Variants in YJU2B observed in about 807,000 individuals in gnomAD.
The protein encoded by YJU2B is YJU2 splicing factor homolog B.
Under a neutral mutation model 38.0 loss-of-function variants are expected in YJU2B, and 18 were observed. The ratio of observed to expected loss-of-function variants is 0.47; its 90% CI spans 0.33 to 0.70. The LOEUF is 0.70. YJU2B is among the 30% of genes least tolerant of loss of function. The probability of loss-of-function intolerance (pLI) is 0.02; values close to 1 mark genes in which losing one functional copy is unlikely to be tolerated. For missense variants in YJU2B, 538 were observed against 556.3 expected, an observed-to-expected ratio of 0.97 and a Z score of 0.33; for synonymous variants, 246 against 225.4, an observed-to-expected ratio of 1.09 and a Z score of -0.82.
chr19:13,756,963 G>C (rs987627954), intron 4 of YJU2B, among the ~76,000 whole-genome samples: 45 of 137,004 alleles, frequency 3.3e-4, no homozygotes, highest in African/African-American at 1.2e-3. Flanking sequence ...GCAACAGAGC[G>C]AGACTCCATC....
chr19:13,762,565 T>G, intron 9 of YJU2B, 25 bp from the exon 10 acceptor site: 1 of 1,531,072 alleles, frequency 6.5e-7, no homozygotes, highest in Non-Finnish European at 8.7e-7. Flanking sequence ...CTGCCGCCCC[T>G]GAAATGTCCT....
intron 2 of YJU2B, among the ~76,000 whole-genome samples, chr19:13,736,621 T>A (rs1210707700): frequency 1.3e-5 from 2 of 152,014 alleles, no homozygotes; most frequent in Non-Finnish European, 2.9e-5. Context: ...CCTCATTCAT[T>A]TATTGATTCA....
Position 13,763,000 on chromosome 19 carries a change from G to T in YJU2B, c.1123G>T (p.Asp375Tyr), listed in dbSNP as rs776699025. The T allele has an allele frequency of 6.2e-7, 1 of 1,605,500 alleles. No individual in the cohort carries two copies. The part of the protein sequence containing the change: ...GSSQEAADTP[D>Y]TRHPCSLGSS... ...CTCCCAGGAGGCAGCTGACACCCCC[G>T]ACACGCGGCACCCCTGCAGTCTCGG... Residue 375 changes from aspartate to tyrosine, a missense_variant, in exon 10 of 10, where the codon GAC becomes TAC. Coordinates refer to ENST00000221554, the MANE Select transcript of YJU2B (RefSeq NM_030818.4).
intron 8 of YJU2B, 145 bp from the exon 9 acceptor site, chr19:13,762,154 C>G: frequency 2.1e-6 from 2 of 935,230 alleles, no homozygotes; most frequent in Non-Finnish European, 3.2e-6. Flanking sequence ...ATGATTGTGC[C>G]ACTGCACTCC....
intron 2 of YJU2B, among the ~76,000 whole-genome samples, chr19:13,734,648 C>T (rs1003114513): frequency 1.3e-5 from 2 of 152,090 alleles, no homozygotes; most frequent in East Asian, 3.9e-4. Context: ...GAGTGCAGTG[C>T]TGCAAACATA....
rs894550960 is a variant in YJU2B at position 13,741,594 on chromosome 19, AT to A, written c.-202+9311del. Among the ~76,000 whole-genome samples the A allele has an allele frequency of 1.6e-4, 22 of 139,930 alleles. No homozygotes were observed. The East Asian group carries it at 2.5e-3, about 16-fold the overall frequency. 91.8% of individuals were successfully genotyped at this position (139,930 alleles called of 152,430 possible). A position where few individuals can be genotyped will look rare whatever the true frequency, so the allele number is the denominator to read the frequency against. ...CTACAAATTAAAAAAAAAAAAAAAA[AT>A]TAGCTAGGCATGGTGCCTGTGGTCC... is the stretch of plus-strand genomic sequence containing the variant. On this transcript the variant is annotated intron_variant, in intron 2 of 10. Transcript: ENST00000586600.
Position 13,756,204 on chromosome 19 carries a change from C to G in YJU2B, c.65C>G (p.Ser22Cys), listed in dbSNP as rs12974461. The change falls in exon 4 of 10, where the codon TCT (serine) becomes TGT (cysteine). Residue 22 changes from serine to cysteine, a missense_variant. By Grantham distance (112) the Ser-to-Cys change is moderately radical. Around this residue, in one of 2 missense-constraint regions of YJU2B, gnomAD observed 50 missense variants for 86.9 expected, o/e 0.58. Coordinates refer to ENST00000221554, the MANE Select transcript of YJU2B (RefSeq NM_030818.4). The stretch of plus-strand genomic sequence containing the variant: ...CTCATCCTCTCCACACAGCATGGCT[C>G]TCTCAACCGATACCACAACAGCCAC... ...PPDFNPEKHG[S>C]LNRYHNSHPL... 0.024 allele frequency: 38,513 copies of G among 1,613,582 alleles called. 483 individuals are homozygous for G. The highest frequency in any genetic ancestry group is 0.028 in the Non-Finnish European group (32,509 of 1,179,560).
At chr19:13,750,927 C>T (rs1032162068) in intron 1 of YJU2B, among the ~76,000 whole-genome samples, 3 of 151,036 alleles carry the variant, frequency 2.0e-5, no homozygotes, top group African/African-American at 7.3e-5. Context: ...AGGTGCAGGC[C>T]AGCTGCACTT....
chr19:13,759,421 T>C, intron 8 of YJU2B, 149 bp downstream of exon 8: 1 of 633,226 alleles, frequency 1.6e-6, no homozygotes, highest in Non-Finnish European at 2.7e-6. Context: ...GACCATGCCC[T>C]GTCTTAATCC....
chr19:13,743,541 C>T (rs950170495), upstream of YJU2B, among the ~76,000 whole-genome samples: 9 of 145,530 alleles, frequency 6.2e-5, no homozygotes, highest in African/African-American at 2.3e-4. Flanking sequence ...GATCATGCCA[C>T]TGTACTCCAG....
In YJU2B at chr19:13,747,900, G is replaced by T. The variant is rs1020230076; in HGVS notation, c.-256G>T. ...CGGAGAGGGCGCCCAGGTTCACCGC[G>T]CTCTCAGCGCGCACTTCCGGGCACG... On this transcript the variant is annotated 5_prime_UTR_variant, in exon 1 of 10. Transcript: ENST00000221554. 38 of 152,366 alleles carry T rather than the reference G, an allele frequency of 2.5e-4. No homozygotes were observed. Among genetic ancestry groups the T allele is most frequent in the African/African-American group, 8.9e-4 (37 of 41,592 alleles). The allele number at this position is 152,366 out of a possible 1,614,324, so 9.4% of individuals were successfully genotyped here.
At chr19:13,752,445 T>C (rs1480055585) in intron 2 of YJU2B, among the ~76,000 whole-genome samples, 1 of 151,734 alleles carries the variant, frequency 6.6e-6, no homozygotes, top group East Asian at 2.0e-4. Flanking sequence ...CTGTCTCTAC[T>C]AAAAATACAA....
At chr19:13,756,334 C>G in intron 4 of YJU2B, 55 bp downstream of exon 4, 2 of 1,446,558 alleles carry the variant, frequency 1.4e-6, no homozygotes, top group Non-Finnish European at 1.9e-6. Flanking sequence ...CCTTCAGTCT[C>G]AAGGAGAGTT....
chr19:13,755,700 A>C (rs534108738), intron 3 of YJU2B, among the ~76,000 whole-genome samples: 225 of 152,178 alleles, frequency 1.5e-3, no homozygotes, highest in Middle Eastern at 6.8e-3. Context: ...TCACACCCGG[A>C]ATCCCAGCAC....
chr19:13,735,923 G>A (rs1972932108), intron 2 of YJU2B, among the ~76,000 whole-genome samples: 1 of 151,778 alleles, frequency 6.6e-6, no homozygotes, highest in East Asian at 2.0e-4. Flanking sequence ...GTGGTGGGGG[G>A]CACCTGTAGT....
At position 13,758,944 on chromosome 19, in the gene YJU2B, G is replaced by A. The variant is rs370557051; in HGVS notation, c.334G>A (p.Val112Met). ...TDPANCDYVI[V>M]SGAQRKEERW... ...CCCCGCCAACTGCGACTACGTGATC[G>A]TGAGTGGCGCCCAGCGCAAGGAGGA... Residue 112 changes from valine to methionine, a missense_variant, in exon 7 of 10, where the codon GTG (valine) becomes ATG (methionine). Transcript: ENST00000221554. The A allele has an allele frequency of 9.3e-6, 15 of 1,614,060 alleles. No individual in the cohort carries two copies. Among genetic ancestry groups the A allele is most frequent in the African/African-American group, 1.3e-5 (1 of 75,072 alleles).
At chr19:13,750,182 G>C (rs546955741) in intron 1 of YJU2B, among the ~76,000 whole-genome samples, 2 of 152,214 alleles carry the variant, frequency 1.3e-5, no homozygotes, top group South Asian at 4.1e-4. Context: ...CAGAATTCCA[G>C]GAAACAAGTG....
chr19:13,761,889 A>G (rs1232476987), intron 8 of YJU2B, among the ~76,000 whole-genome samples: 1 of 151,726 alleles, frequency 6.6e-6, no homozygotes, highest in Non-Finnish European at 1.5e-5. Flanking sequence ...ATGCCTGGCT[A>G]ATTTTTATAT....
chr19:13,762,355 G>A lies in YJU2B; in HGVS notation c.630G>A (p.Lys210=). ...EEERDQALQA[K]ASLTIPLVPE... ...AGAGAGACCAGGCCTTGCAGGCCAAGGCGAGCCTGACCATCCCGCTGGTGC... is the reference window on the plus strand; with the variant it reads ...AGAGAGACCAGGCCTTGCAGGCCAAAGCGAGCCTGACCATCCCGCTGGTGC... Residue 210 remains lysine, a synonymous_variant, in exon 9 of 10, where the codon AAG becomes AAA. Transcript: ENST00000221554. 1.2e-6 allele frequency: 2 copies of A among 1,613,972 alleles called. No homozygotes were observed. Among genetic ancestry groups the A allele is most frequent in the Non-Finnish European group, 1.7e-6 (2 of 1,180,020 alleles).
Sources: gnomAD v4.1 joint callset for allele counts (sites outside exome capture counted in the v4.1 genomes callset) on GRCh38, gnomAD v4.1.1 for gene constraint, gnomAD v4.1.1 regional missense constraint, MANE v1.5 for transcripts, NCBI Gene and HGNC (gene_info 2026-07-23, HGNC 2026-07-21) for gene names.